The following WDPCP variants were observed in gnomAD, a reference collection of about 807,000 sequenced individuals.
The protein encoded by WDPCP is WD repeat-containing and planar cell polarity effector protein fritz homolog.
In WDPCP, 71 loss-of-function variants were observed where a neutral mutation model predicts 93.1. The observed-to-expected ratio is 0.76, with a 90% confidence interval of 0.63 to 0.93. The LOEUF is 0.93. WDPCP is among the 40% of genes least tolerant of loss of function. WDPCP has a pLI of 0.00. For synonymous variants in WDPCP, 315 were observed against 315.0 expected (o/e 1.00, Z 0.00); for missense variants, 844 against 887.4 (o/e 0.95, Z 0.62).
At chr2:63,500,289 A>G (rs1054181032) in intron 1 of WDPCP, among the ~76,000 whole-genome samples, 2 of 152,204 alleles carry the variant, frequency 1.3e-5, no homozygotes, top group Non-Finnish European at 2.9e-5. Flanking sequence ...CATAAAAACT[A>G]CTTTGGAATT....
chr2:63,453,589 A>G (rs1262622182), intron 6 of WDPCP, among the ~76,000 whole-genome samples: 1 of 152,226 alleles, frequency 6.6e-6, no homozygotes, highest in East Asian at 1.9e-4. Flanking sequence ...CCATGCCATT[A>G]CTGGGTATAT....
chr2:63,825,233 A>C (rs1015476503), intron 1 of WDPCP, among the ~76,000 whole-genome samples: 2 of 152,158 alleles, frequency 1.3e-5, no homozygotes, highest in Non-Finnish European at 2.9e-5. Context: ...GGAGTCAAGA[A>C]TACTGTGAAA....
Position 63,588,401 on chromosome 2 carries a change from A to C in WDPCP, c.-130T>G, listed in dbSNP as rs1415373517. ...CCGCCACAGTTTCCTCAGGTGCTAC[A>C]AAGCAGCCAGGGTGTGCGTGCGCTC... On this transcript the variant is annotated 5_prime_UTR_variant, in exon 1 of 18. Coordinates refer to ENST00000272321, the MANE Select transcript of WDPCP (RefSeq NM_015910.7). The C allele has an allele frequency of 9.0e-7, 1 of 1,105,752 alleles. No individual in the cohort carries two copies. The highest frequency in any genetic ancestry group is 1.3e-6 in the Non-Finnish European group (1 of 741,170). The allele number at this position is 1,105,752 out of a possible 1,614,324, so 68.5% of individuals were successfully genotyped here.
At chr2:63,673,104 T>C (rs960954026) in intron 2 of WDPCP, among the ~76,000 whole-genome samples, 1 of 152,128 alleles carries the variant, frequency 6.6e-6, no homozygotes, top group Non-Finnish European at 1.5e-5. Flanking sequence ...AAATATAATA[T>C]AAATATGTGT....
chr2:63,227,728 T>C (rs1678411361), intron 14 of WDPCP, among the ~76,000 whole-genome samples: 1 of 152,094 alleles, frequency 6.6e-6, no homozygotes, highest in Non-Finnish European at 1.5e-5. Flanking sequence ...ATATGAAATA[T>C]GATAGTAATT....
At chr2:63,486,785 A>G (rs1412643311) in intron 3 of WDPCP, among the ~76,000 whole-genome samples, 199 bp from the exon 4 acceptor site, 2 of 151,976 alleles carry the variant, frequency 1.3e-5, no homozygotes, top group Non-Finnish European at 2.9e-5. Context: ...TTTCATAGAG[A>G]TATTTCCTAA....
intron 17 of WDPCP, among the ~76,000 whole-genome samples, chr2:63,146,476 C>T (rs1341466637): frequency 6.8e-6 from 1 of 147,528 alleles, no homozygotes; most frequent in African/African-American, 2.5e-5. Context: ...GCAGTCTTAG[C>T]TCATTGTAAT....
chr2:63,483,996 A>G (rs1162321992), intron 6 of WDPCP, among the ~76,000 whole-genome samples: 1 of 152,006 alleles, frequency 6.6e-6, no homozygotes, highest in African/African-American at 2.4e-5. Context: ...AATGTTCTGT[A>G]TCTGCACTGT....
chr2:63,194,512 G>A (rs890824565), intron 14 of WDPCP, among the ~76,000 whole-genome samples: 1 of 146,408 alleles, frequency 6.8e-6, no homozygotes, highest in Non-Finnish European at 1.5e-5. Context: ...AAATAAGTAA[G>A]CAAAACAGGA....
intron 2 of WDPCP, among the ~76,000 whole-genome samples, chr2:63,691,873 A>T (rs1668896379): frequency 6.9e-6 from 1 of 145,090 alleles, no homozygotes; most frequent in South Asian, 2.2e-4. Flanking sequence ...TATACTACAA[A>T]GTGTGTGTGT....
At chr2:63,249,374 A>G (rs773484927) in intron 14 of WDPCP, among the ~76,000 whole-genome samples, 16 of 152,138 alleles carry the variant, frequency 1.1e-4, no homozygotes, top group Non-Finnish European at 2.2e-4. Context: ...CAGTGATGTC[A>G]TCTTGAAGCA....
chr2:63,394,071 G>A (rs1375831083), intron 10 of WDPCP, among the ~76,000 whole-genome samples: 2 of 152,046 alleles, frequency 1.3e-5, no homozygotes, highest in Non-Finnish European at 2.9e-5. Context: ...ATTGACAAAT[G>A]AGACTAAAGA....
rs189121685 is a variant in WDPCP, at chr2:63,414,399, C to T, written c.826-9742G>A. Among the ~76,000 whole-genome samples the T allele has an allele frequency of 1.8e-4, 27 of 151,874 alleles. 1 individual carries two copies. Among genetic ancestry groups the T allele is most frequent in the Admixed American group, 3.3e-4 (5 of 15,230 alleles). On this transcript the variant is annotated intron_variant, in intron 9 of 17. Transcript: ENST00000272321. ...ATAGCACAATTCACAATTGCAAAAT[C>T]GTGGAACAAATCCAAATGCCCATCA... is the stretch of plus-strand genomic sequence containing the variant.
intron 14 of WDPCP, among the ~76,000 whole-genome samples, chr2:63,188,979 A>C (rs968794926): frequency 3.3e-5 from 5 of 152,136 alleles, no homozygotes; most frequent in Non-Finnish European, 7.3e-5. Flanking sequence ...AGAGGTTCTA[A>C]GACCTCTCAG....
At chr2:63,779,549 A>G (rs958045501) in intron 2 of WDPCP, among the ~76,000 whole-genome samples, 1 of 152,118 alleles carries the variant, frequency 6.6e-6, no homozygotes, top group African/African-American at 2.4e-5. Context: ...CAGTGCTTCT[A>G]TGGTTGAGCA....
At chr2:63,722,338 G>C (rs1361780957) in intron 2 of WDPCP, among the ~76,000 whole-genome samples, 13 of 141,934 alleles carry the variant, frequency 9.2e-5, no homozygotes, top group Non-Finnish European at 1.6e-5. Context: ...GTCTCTGCCC[G>C]GCCGCCCATC....
At chr2:63,567,882 T>A (rs1481700859) in intron 1 of WDPCP, among the ~76,000 whole-genome samples, 1 of 152,220 alleles carries the variant, frequency 6.6e-6, no homozygotes, top group Non-Finnish European at 1.5e-5. Context: ...ATTGAATAAA[T>A]AATTTTTTAT....
rs139235260 is a variant in WDPCP at position 63,221,406 on chromosome 2, A to C, written c.1915+37901T>G. ...GTGGTAGAAAACTTTGATGAATGAT[A>C]TACTAATAGAACAGAGGAGCCAATA... On this transcript the variant is annotated intron_variant, in intron 14 of 17. Coordinates refer to ENST00000272321, the MANE Select transcript of WDPCP (RefSeq NM_015910.7). Among the ~76,000 whole-genome samples the C allele has an allele frequency of 1.3e-3, 195 of 152,326 alleles. 2 individuals are homozygous for C. The highest frequency in any genetic ancestry group is 4.3e-3 in the African/African-American group (179 of 41,570).
intron 2 of WDPCP, among the ~76,000 whole-genome samples, chr2:63,740,278 G>A (rs1669694658): frequency 1.3e-5 from 2 of 152,084 alleles, no homozygotes; most frequent in South Asian, 4.1e-4. Flanking sequence ...TTTCCAAAGT[G>A]ATTGTGCCAA....
Sources: gnomAD v4.1 joint callset for allele counts (sites outside exome capture counted in the v4.1 genomes callset) on GRCh38, gnomAD v4.1.1 for gene constraint, MANE v1.5 for transcripts, NCBI Gene and HGNC (gene_info 2026-07-23, HGNC 2026-07-21) for gene names.